The following ZNF225 variants were observed in gnomAD, a reference collection of about 807,000 sequenced individuals.
The protein encoded by ZNF225 is zinc finger protein 225.
ZNF225 carries 6 observed loss-of-function variants against 12.0 expected under a neutral mutation model. The observed-to-expected ratio is 0.50, with a 90% CI of 0.27 to 0.98. The LOEUF (loss-of-function observed/expected upper bound fraction) is 0.98, where lower values mean the gene tolerates loss of function less well. Ranked by LOEUF, ZNF225 falls within the 50% of genes least tolerant of loss-of-function variation. The pLI is 0.11. For synonymous variants in ZNF225, 271 were observed against 283.2 expected (o/e 0.96, Z 0.43); for missense variants, 763 against 848.2 (o/e 0.90, Z 1.25).
upstream of ZNF225, chr19:44,113,374 T>G (rs1409584789): frequency 6.6e-6 from 1 of 152,100 alleles, no homozygotes; most frequent in Non-Finnish European, 1.5e-5. Flanking sequence ...TCTCAGGAAT[T>G]CTGGGAAGTG....
chr19:44,120,859 C>G (rs1196361316), intron 4 of ZNF225, among the ~76,000 whole-genome samples: 1 of 151,546 alleles, frequency 6.6e-6, no homozygotes, highest in Non-Finnish European at 1.5e-5. Context: ...TGTCTCTCGC[C>G]CTCCTCCCAC....
intron 4 of ZNF225, among the ~76,000 whole-genome samples, chr19:44,119,052 G>A (rs916775559): frequency 2.6e-5 from 4 of 152,126 alleles, no homozygotes; most frequent in African/African-American, 7.2e-5. Context: ...TCCTGACCTC[G>A]TGATCCGCCC....
chr19:44,119,075 C>T (rs1320227785), intron 4 of ZNF225, among the ~76,000 whole-genome samples: 1 of 152,134 alleles, frequency 6.6e-6, no homozygotes, highest in Non-Finnish European at 1.5e-5. Flanking sequence ...CTTGGCCTCC[C>T]AAAGTGCTGG....
rs766220463 is a variant in ZNF225, at chr19:44,131,595, GA to G, written c.984del (p.Lys328AsnfsTer37). 1.6e-5 allele frequency: 26 copies of G among 1,614,070 alleles called. No individual in the cohort carries two copies. Among genetic ancestry groups the G allele is most frequent in the Non-Finnish European group, 2.2e-5 (26 of 1,180,040 alleles). On this transcript the variant is annotated frameshift_variant, in exon 5 of 5. Coordinates refer to ENST00000262894, the MANE Select transcript of ZNF225 (RefSeq NM_013362.4). LOFTEE classifies it low-confidence loss of function (END_TRUNC). ...CDTCGKSFGLKSALNSHRMVH... is the reference protein window; with the variant it reads ...CDTCGKSFGLXSALNSHRMVH... ...ATACATGTGGTAAGAGCTTTGGTCTGAAATCAGCACTTAATAGTCATCGCAT... is the reference window on the plus strand; with the variant it reads ...ATACATGTGGTAAGAGCTTTGGTCTGAATCAGCACTTAATAGTCATCGCAT...
chr19:44,130,655 C>A lies in ZNF225; in HGVS notation c.236-195C>A, dbSNP rs192851339. Reference sequence around the variant, plus strand: ...GGTGGAGCTTGCAGTGAGCGGAGATCACGCCACTGCACTCCAGCCTGGGGG... The same window carrying A: ...GGTGGAGCTTGCAGTGAGCGGAGATAACGCCACTGCACTCCAGCCTGGGGG... On this transcript the variant is annotated intron_variant, in intron 4 of 4. Transcript: ENST00000262894. The A allele has an allele frequency of 5.8e-4, 269 of 461,732 alleles. 1 individual carries two copies. In the East Asian group the frequency reaches 7.6e-3, roughly 13 times the overall value. 28.6% of individuals were successfully genotyped at this position (461,732 alleles called of 1,614,324 possible).
At chr19:44,126,972 C>T (rs1282709267) in intron 4 of ZNF225, among the ~76,000 whole-genome samples, 1 of 152,254 alleles carries the variant, frequency 6.6e-6, no homozygotes, top group Admixed American at 6.5e-5. Context: ...CACCTCTCAG[C>T]TGCAAAAGAA....
rs761162937 is a variant in ZNF225, at chr19:44,118,215, G to A, written c.43G>A (p.Val15Met). ...GGCAGTGACCTTCAAGGACGTGGCT[G>A]TGGTCTTCACTGAGGAAGAGCTGAG... The part of the protein sequence containing the change: ...KEAVTFKDVA[V>M]VFTEEELRLL... The change falls in exon 3 of 5, where the codon GTG becomes ATG. Residue 15 changes from valine (V) to methionine (M), a missense_variant. Val to Met is a conservative substitution (Grantham distance 21, BLOSUM62 1). Coordinates refer to ENST00000262894, the MANE Select transcript of ZNF225 (RefSeq NM_013362.4). 3 of 1,612,948 alleles carry A rather than the reference G, an allele frequency of 1.9e-6. No individual in the cohort carries two copies. Among genetic ancestry groups the A allele is most frequent in the Non-Finnish European group, 2.5e-6 (3 of 1,179,456 alleles).
At chr19:44,129,614 C>G (rs1169935836) in intron 4 of ZNF225, 1 of 152,214 alleles carries the variant, frequency 6.6e-6, no homozygotes, top group East Asian at 1.9e-4. Context: ...TAGTCTCAGT[C>G]TCCTGGTTGA....
At chr19:44,113,121 C>T (rs897070092), upstream of ZNF225, 1 of 152,342 alleles carries the variant, frequency 6.6e-6, no homozygotes, top group Non-Finnish European at 1.5e-5. Flanking sequence ...GGAGTGTAAT[C>T]CAAATGCTCT....
rs1286714772 is a variant in ZNF225, at chr19:44,131,871, G to A, written c.1257G>A (p.Gln419=). The A allele has an allele frequency of 6.2e-7, 1 of 1,614,006 alleles. No homozygotes were observed. Among genetic ancestry groups the A allele is most frequent in the African/African-American group, 1.3e-5 (1 of 74,896 alleles). Residue 419 remains glutamine (Q), a synonymous_variant, in exon 5 of 5, where the codon CAG becomes CAA. Coordinates refer to ENST00000262894, the MANE Select transcript of ZNF225 (RefSeq NM_013362.4). ...FYTNSQRYSH[Q]RAHSGEKPYR... is the part of the protein sequence containing the mutation. ...CAAATTCACAACGTTATTCTCACCAGAGAGCGCACAGTGGAGAAAAGCCAT... is the reference window on the plus strand; with the variant it reads ...CAAATTCACAACGTTATTCTCACCAAAGAGCGCACAGTGGAGAAAAGCCAT...
At chr19:44,115,888 G>A in intron 2 of ZNF225, 46 bp downstream of exon 2, 1 of 1,599,840 alleles carries the variant, frequency 6.3e-7, no homozygotes, top group Non-Finnish European at 8.5e-7. Context: ...CTTTTATGGA[G>A]ACTTGTTCTG....
At chr19:44,118,977 C>T (rs1055304866) in intron 4 of ZNF225, among the ~76,000 whole-genome samples, 21 of 152,166 alleles carry the variant, frequency 1.4e-4, no homozygotes, top group Admixed American at 5.9e-4. Context: ...CCACCACGCC[C>T]GGCTAATTTT....
Position 44,131,949 on chromosome 19 carries a change from T to C in ZNF225, c.1335T>C (p.Phe445=). ...ACAAAAGGAGGTTGGATCTTGACTTTCATCAGAGGGTCCACAGAGGAGAGA... is the reference window on the plus strand; with the variant it reads ...ACAAAAGGAGGTTGGATCTTGACTTCCATCAGAGGGTCCACAGAGGAGAGA... ...KGYKRRLDLD[F]HQRVHRGEKP... is the part of the protein sequence containing the mutation. The change falls in exon 5 of 5, where the codon TTT becomes TTC. Residue 445 remains phenylalanine, a synonymous_variant. Transcript: ENST00000262894. 6.2e-7 allele frequency: 1 copy of C among 1,610,986 alleles called. No individual in the cohort carries two copies. The highest frequency in any genetic ancestry group is 8.5e-7 in the Non-Finnish European group (1 of 1,178,972).
upstream of ZNF225, chr19:44,112,945 C>G (rs531266661): frequency 6.6e-6 from 1 of 152,306 alleles, no homozygotes; most frequent in South Asian, 2.1e-4. Context: ...TCAGTATTTT[C>G]TGTCCTGGAC....
chr19:44,117,559 A>G (rs1967964692), intron 2 of ZNF225, among the ~76,000 whole-genome samples: 1 of 152,220 alleles, frequency 6.6e-6, no homozygotes, highest in South Asian at 2.1e-4. Flanking sequence ...ACTGAAACCT[A>G]TATACGTGCA....
At chr19:44,114,179 G>A (rs1967889931) in intron 1 of ZNF225, 2 of 1,030,136 alleles carry the variant, frequency 1.9e-6, no homozygotes, top group African/African-American at 1.7e-5. Context: ...GAGCTGCAGG[G>A]AGGGACTTCT....
rs897306341 is a variant in ZNF225 at position 44,133,533 on chromosome 19, G to A, written c.*798G>A. 7.9e-5 allele frequency: 12 copies of A among 152,164 alleles called. No homozygotes were observed. The highest frequency in any genetic ancestry group is 1.5e-4 in the Non-Finnish European group (10 of 68,020). 9.4% of individuals were successfully genotyped at this position (152,164 alleles called of 1,614,324 possible). ...GCTCGCTTTAAGCATAAGTGAAGGA[G>A]TGGAAAAATCCTGGAGATAGAAATC... On this transcript the variant is annotated 3_prime_UTR_variant, in exon 5 of 5. Coordinates refer to ENST00000262894, the MANE Select transcript of ZNF225 (RefSeq NM_013362.4).
Position 44,118,538 on chromosome 19 carries a change from A to G in ZNF225, c.199A>G (p.Met67Val), listed in dbSNP as rs1002319676. 7 of 1,613,156 alleles carry G rather than the reference A, an allele frequency of 4.3e-6. No homozygotes were observed. Among genetic ancestry groups the G allele is most frequent in the Non-Finnish European group, 8.5e-7 (1 of 1,179,484 alleles). The change falls in exon 4 of 5, where the codon ATG becomes GTG. Residue 67 changes from methionine (M) to valine (V), a missense_variant. Met to Val is a conservative substitution (Grantham distance 21). Transcript: ENST00000262894. Reference protein sequence around the residue: ...FHFLKEEKFWMMETATQREGN... With the variant: ...FHFLKEEKFWVMETATQREGN... The stretch of plus-strand genomic sequence containing the variant: ...CTTCCTAAAGGAAGAAAAGTTTTGG[A>G]TGATGGAGACAGCAACCCAAAGAGA...
At chr19:44,120,805 C>G (rs1038283444) in intron 4 of ZNF225, among the ~76,000 whole-genome samples, 3 of 152,094 alleles carry the variant, frequency 2.0e-5, no homozygotes, top group African/African-American at 7.2e-5. Flanking sequence ...ATTTGGTGCG[C>G]TCATCACCCG....
Sources: allele counts gnomAD v4.1 joint callset (sites outside exome capture counted in the v4.1 genomes callset), GRCh38; gene constraint gnomAD v4.1.1; transcripts MANE v1.5; gene names NCBI Gene and HGNC (gene_info 2026-07-23, HGNC 2026-07-21).